Variants in CSMD1 observed in about 807,000 individuals in gnomAD.
The protein encoded by CSMD1 is CUB and Sushi multiple domains 1, also known as CUB and sushi domain-containing protein 1.
A neutral mutation model predicts 417.5 loss-of-function variants in CSMD1; 213 were observed. The observed-to-expected ratio is 0.51, with a 90% CI of 0.46 to 0.57. CSMD1 has a LOEUF of 0.57. CSMD1 is among the 20% of genes least tolerant of loss of function. The pLI is 0.00. For synonymous variants in CSMD1, 2,862 were observed against 1,736.8 expected (o/e 1.65, Z -16.11); for missense variants, 6,923 against 4,529.7 (o/e 1.53, Z -15.17).
At chr8:3,626,288 C>G (rs1203668368) in intron 7 of CSMD1, among the ~76,000 whole-genome samples, 1 of 152,142 alleles carries the variant, frequency 6.6e-6, no homozygotes, top group Admixed American at 6.5e-5. Context: ...TTTAAGAACT[C>G]TAGACTTAAG....
chr8:3,639,458 C>G (rs756172372), intron 7 of CSMD1, among the ~76,000 whole-genome samples: 2 of 152,108 alleles, frequency 1.3e-5, no homozygotes, highest in Non-Finnish European at 2.9e-5. Context: ...AGTCTATGAC[C>G]TGAATTGTCT....
chr8:3,708,845 C>G (rs919304005), intron 6 of CSMD1, among the ~76,000 whole-genome samples: 1 of 152,132 alleles, frequency 6.6e-6, no homozygotes, highest in Non-Finnish European at 1.5e-5. Context: ...ATGTATCTAT[C>G]CTGACTACAG....
At chr8:3,709,117 G>A (rs978361759) in intron 6 of CSMD1, among the ~76,000 whole-genome samples, 8 of 150,104 alleles carry the variant, frequency 5.3e-5, no homozygotes, top group Admixed American at 6.7e-5. Context: ...GTTTCTTGAT[G>A]TACTACGGCC....
chr8:3,769,116 T>C (rs1254833839), intron 5 of CSMD1, among the ~76,000 whole-genome samples: 1 of 152,196 alleles, frequency 6.6e-6, no homozygotes, highest in East Asian at 1.9e-4. Flanking sequence ...CTTTTCCTTA[T>C]TAGTTACTAT....
chr8:4,761,953 AT>A, intron 1 of CSMD1, among the ~76,000 whole-genome samples: 3 of 148,854 alleles, frequency 2.0e-5, no homozygotes, highest in African/African-American at 7.4e-5. Flanking sequence ...CTATCTATCT[AT>A]CTATCTATCT....
intron 3 of CSMD1, among the ~76,000 whole-genome samples, chr8:4,143,919 T>C (rs1803952264): frequency 6.6e-6 from 1 of 151,120 alleles, no homozygotes; most frequent in Non-Finnish European, 1.5e-5. Context: ...CTGGGGTGAA[T>C]TGGCCCGTGT....
At chr8:3,522,144 C>G (rs1797535294) in intron 10 of CSMD1, among the ~76,000 whole-genome samples, 1 of 152,170 alleles carries the variant, frequency 6.6e-6, no homozygotes, top group South Asian at 2.1e-4. Context: ...ACCACTCTGA[C>G]TGCAAAGTCA....
intron 1 of CSMD1, among the ~76,000 whole-genome samples, chr8:4,956,145 G>C (rs1378258439): frequency 6.6e-6 from 1 of 152,086 alleles, no homozygotes; most frequent in Admixed American, 6.5e-5. Flanking sequence ...ATGGATGACA[G>C]AGTTATCATT....
intron 3 of CSMD1, among the ~76,000 whole-genome samples, chr8:4,269,527 C>T (rs1804438419): frequency 6.6e-6 from 1 of 152,068 alleles, no homozygotes. Flanking sequence ...AACTAAAAGC[C>T]CTCAATATAT....
At chr8:3,922,859 G>C (rs897932402) in intron 5 of CSMD1, among the ~76,000 whole-genome samples, 3 of 152,006 alleles carry the variant, frequency 2.0e-5, no homozygotes, top group Non-Finnish European at 4.4e-5. Flanking sequence ...CAGATATTGG[G>C]ATATGTGGAG....
At chr8:3,037,749 C>T (rs1013451461) in intron 50 of CSMD1, among the ~76,000 whole-genome samples, 4 of 152,066 alleles carry the variant, frequency 2.6e-5, no homozygotes, top group Non-Finnish European at 5.9e-5. Context: ...GAGTAGATGA[C>T]CAATTAATAG....
intron 1 of CSMD1, among the ~76,000 whole-genome samples, chr8:4,678,177 G>A (rs907265548): frequency 6.6e-6 from 1 of 152,032 alleles, no homozygotes; most frequent in Non-Finnish European, 1.5e-5. Context: ...TTAGGAGGCT[G>A]AGGCGTGTAG....
At chr8:4,975,087 T>G (rs961933556) in intron 1 of CSMD1, among the ~76,000 whole-genome samples, 2 of 152,086 alleles carry the variant, frequency 1.3e-5, no homozygotes, top group African/African-American at 4.8e-5. Context: ...CAATAAACAT[T>G]TATCTACCAA....
chr8:3,597,106 C>G (rs759012937), intron 8 of CSMD1, among the ~76,000 whole-genome samples: 13 of 152,152 alleles, frequency 8.5e-5, no homozygotes, highest in Non-Finnish European at 1.8e-4. Flanking sequence ...ACTGAGCCTG[C>G]TGAGGCTCTG....
intron 3 of CSMD1, among the ~76,000 whole-genome samples, chr8:4,203,774 A>G (rs1278750080): frequency 1.3e-5 from 2 of 152,142 alleles, no homozygotes; most frequent in Non-Finnish European, 2.9e-5. Context: ...ATATATATGT[A>G]CATATACATA....
At chr8:3,244,097 G>C (rs1799722704) in intron 26 of CSMD1, among the ~76,000 whole-genome samples, 1 of 152,198 alleles carries the variant, frequency 6.6e-6, no homozygotes, top group Non-Finnish European at 1.5e-5. Context: ...CTAGTACACA[G>C]ATCACAACGT....
chr8:3,382,508 T>TATATAA (rs1810699292), intron 18 of CSMD1, among the ~76,000 whole-genome samples: 1 of 50,480 alleles, frequency 2.0e-5, no homozygotes, highest in East Asian at 3.1e-4. Context: ...TATATAAATT[T>TATATAA]ATATATATAT....
chr8:4,625,702 C>T (rs187499467), intron 2 of CSMD1, among the ~76,000 whole-genome samples: 50 of 152,094 alleles, frequency 3.3e-4, no homozygotes, highest in Non-Finnish European at 2.1e-4. Context: ...TTATCGTATC[C>T]GTAACATATT....
At chr8:4,819,586 G>C (rs971125169) in intron 1 of CSMD1, among the ~76,000 whole-genome samples, 1 of 152,128 alleles carries the variant, frequency 6.6e-6, no homozygotes, top group Non-Finnish European at 1.5e-5. Context: ...TGTGTATCTT[G>C]TTAAGCATTT....
Sources: allele counts gnomAD v4.1 joint callset (sites outside exome capture counted in the v4.1 genomes callset), GRCh38; gene constraint gnomAD v4.1.1; transcripts MANE v1.5; gene names NCBI Gene and HGNC (gene_info 2026-07-23, HGNC 2026-07-21).